RNF150: variants seen among roughly 807,000 people sequenced by gnomAD.
RNF150 encodes ring finger protein 150.
RNF150 carries 24 observed loss-of-function variants against 39.3 expected under a neutral mutation model. The ratio of observed to expected loss-of-function variants is 0.61; its 90% CI spans 0.44 to 0.86. The LOEUF is 0.86. Among genes scored for constraint, RNF150 ranks in the 40% least tolerant of loss-of-function variants. The pLI is 0.00. For missense variants in RNF150, 502 were observed against 587.8 expected, an observed-to-expected ratio of 0.85 and a Z score of 1.51; for synonymous variants, 255 against 227.3, an observed-to-expected ratio of 1.12 and a Z score of -1.10.
chr4:141,032,072 A>G (rs1735970485), intron 1 of RNF150, among the ~76,000 whole-genome samples: 1 of 151,914 alleles, frequency 6.6e-6, no homozygotes, highest in Non-Finnish European at 1.5e-5. Flanking sequence ...ACACACACAT[A>G]CACATACATA....
chr4:141,154,893 T>A (rs1727358056), intron 1 of RNF150, among the ~76,000 whole-genome samples: 1 of 152,160 alleles, frequency 6.6e-6, no homozygotes, highest in African/African-American at 2.4e-5. Context: ...GGTAATTACC[T>A]TCATGCCTGA....
intron 1 of RNF150, among the ~76,000 whole-genome samples, chr4:141,081,823 C>T (rs767766362): frequency 6.6e-6 from 1 of 152,280 alleles, no homozygotes. Context: ...TTCAACAGTG[C>T]CTGCACACAC....
intron 1 of RNF150, among the ~76,000 whole-genome samples, chr4:141,194,194 G>T (rs1233476706): frequency 1.3e-5 from 2 of 152,194 alleles, no homozygotes; most frequent in Middle Eastern, 3.2e-3. Context: ...TTTCTGTAGG[G>T]ATTTCTGATG....
chr4:141,055,153 G>A (rs780376181), intron 1 of RNF150, among the ~76,000 whole-genome samples: 1 of 152,040 alleles, frequency 6.6e-6, no homozygotes, highest in Non-Finnish European at 1.5e-5. Flanking sequence ...GGTTCATACA[G>A]GCAATGTAAA....
chr4:141,103,513 T>C (rs925891344), intron 1 of RNF150, among the ~76,000 whole-genome samples: 3 of 152,150 alleles, frequency 2.0e-5, no homozygotes, highest in Admixed American at 2.0e-4. Context: ...GTGGGTATTT[T>C]TATAGAACGG....
rs1158682002 is a variant in RNF150 at position 141,017,381 on chromosome 4, G to C, written c.485-49508C>G. On this transcript the variant is annotated intron_variant, in intron 1 of 6. Transcript: ENST00000515673. ...TCACAGAAAAACTGAGAAGGAAAGA[G>C]AGAGTTCCCACATAGTCCCCCTTAC... Among the ~76,000 whole-genome samples the C allele has an allele frequency of 2.0e-5, 3 of 152,176 alleles. No individual in the cohort carries two copies. The East Asian group carries it at 5.8e-4, about 29-fold the overall frequency.
intron 5 of RNF150, among the ~76,000 whole-genome samples, chr4:140,921,636 G>C (rs777356162): frequency 1.4e-4 from 22 of 152,100 alleles, no homozygotes; most frequent in Non-Finnish European, 2.6e-4. Context: ...GCATCATCCT[G>C]ATACCAAAGC....
chr4:141,144,690 G>A (rs915302089), intron 1 of RNF150, among the ~76,000 whole-genome samples: 6 of 152,124 alleles, frequency 3.9e-5, no homozygotes, highest in Non-Finnish European at 1.5e-5. Context: ...TTCTTAATCA[G>A]AGGAAATGTA....
intron 1 of RNF150, among the ~76,000 whole-genome samples, chr4:141,068,539 C>T (rs917241561): frequency 3.0e-4 from 45 of 151,996 alleles, no homozygotes; most frequent in African/African-American, 8.9e-4. Flanking sequence ...CATGGTGATG[C>T]GGGCTCTTTT....
At chr4:140,896,733 A>T (rs1221503971) in intron 6 of RNF150, among the ~76,000 whole-genome samples, 2 of 143,002 alleles carry the variant, frequency 1.4e-5, no homozygotes, top group East Asian at 2.2e-4. Context: ...AAAAAAAATA[A>T]TTTTTTTTCT....
rs75977487 is a variant in RNF150 at position 140,968,445 on chromosome 4, T to C, written c.485-572A>G. On this transcript the variant is annotated intron_variant, in intron 1 of 6. Coordinates refer to ENST00000515673, the MANE Select transcript of RNF150 (RefSeq NM_020724.2). ...AGAACATTAAGAAGCTCTAATATGA[T>C]TTGCCAACATGAAATTATGGTCCCA... Among the ~76,000 whole-genome samples, 1,347 of 152,052 alleles carry C rather than the reference T, an allele frequency of 8.9e-3. 22 individuals carry two copies. Among genetic ancestry groups the C allele is most frequent in the East Asian group, 0.055 (284 of 5,148 alleles).
chr4:141,205,816 C>T (rs1411134706), intron 1 of RNF150, among the ~76,000 whole-genome samples: 1 of 152,050 alleles, frequency 6.6e-6, no homozygotes. Flanking sequence ...AAACTATTTC[C>T]TAGTTTTGGT....
At chr4:140,870,620 G>A (rs532141831) in intron 6 of RNF150, among the ~76,000 whole-genome samples, 43 of 152,062 alleles carry the variant, frequency 2.8e-4, no homozygotes, top group Admixed American at 9.8e-4. Context: ...CAGCAGGGTC[G>A]TGGCGTGCTG....
chr4:140,931,003 C>A (rs977780276), intron 4 of RNF150, among the ~76,000 whole-genome samples: 1 of 151,790 alleles, frequency 6.6e-6, no homozygotes, highest in Non-Finnish European at 1.5e-5. Flanking sequence ...AGATTCAGCT[C>A]CTCATCAGTG....
At chr4:140,888,296 G>A (rs1325396466) in intron 6 of RNF150, among the ~76,000 whole-genome samples, 10 of 152,126 alleles carry the variant, frequency 6.6e-5, no homozygotes, top group Admixed American at 3.9e-4. Flanking sequence ...GTTTTGACCC[G>A]GAGCCTGGGT....
At chr4:140,968,420 A>C (rs1013182063) in intron 1 of RNF150, among the ~76,000 whole-genome samples, 1 of 152,076 alleles carries the variant, frequency 6.6e-6, no homozygotes, top group African/African-American at 2.4e-5. Flanking sequence ...CAACCAAAAA[A>C]GAACATTAAG....
Position 140,950,646 on chromosome 4 carries a change from A to G in RNF150, c.736-1274T>C, listed in dbSNP as rs571256487. Among the ~76,000 whole-genome samples, 25 of 152,326 alleles carry G rather than the reference A, an allele frequency of 1.6e-4. 1 individual carries two copies. The East Asian group carries it at 4.6e-3, about 28-fold the overall frequency. ...CCAACCATCTAACACCTGGCCAGCCAGTCAGCCATCCATCCAACGTCTGGC... is the reference window on the plus strand; with the variant it reads ...CCAACCATCTAACACCTGGCCAGCCGGTCAGCCATCCATCCAACGTCTGGC... On this transcript the variant is annotated intron_variant, in intron 2 of 6. Transcript: ENST00000515673.
chr4:141,007,604 A>C (rs1037363185), intron 1 of RNF150, among the ~76,000 whole-genome samples: 1 of 152,222 alleles, frequency 6.6e-6, no homozygotes, highest in Non-Finnish European at 1.5e-5. Flanking sequence ...TAGAAGATAA[A>C]ATTTGATGTT....
At chr4:141,167,151 T>A (rs747305857) in intron 1 of RNF150, among the ~76,000 whole-genome samples, 36 of 151,844 alleles carry the variant, frequency 2.4e-4, no homozygotes, top group Non-Finnish European at 5.0e-4. Flanking sequence ...AGAGCAATAA[T>A]AGACAAGCAG....
Sources: allele counts gnomAD v4.1 joint callset (sites outside exome capture counted in the v4.1 genomes callset), GRCh38; gene constraint gnomAD v4.1.1; transcripts MANE v1.5; gene names NCBI Gene and HGNC (gene_info 2026-07-23, HGNC 2026-07-21).